DOCK3: variants seen among roughly 807,000 people sequenced by gnomAD.
The protein encoded by DOCK3 is dedicator of cytokinesis 3.
DOCK3 carries 60 observed loss-of-function variants against 265.6 expected under a neutral mutation model. The observed-to-expected ratio is 0.23, with a 90% CI of 0.18 to 0.28. The LOEUF is 0.28. Among genes scored for constraint, DOCK3 ranks in the 10% least tolerant of loss-of-function variants. The pLI is 1.00. For synonymous variants in DOCK3, 881 were observed against 938.0 expected (o/e 0.94, Z 1.11); for missense variants, 1,981 against 2,594.3 (o/e 0.76, Z 5.14).
intron 1 of DOCK3, among the ~76,000 whole-genome samples, chr3:50,707,473 T>C (rs1347549545): frequency 3.9e-5 from 6 of 152,264 alleles, no homozygotes; most frequent in South Asian, 4.1e-4. Context: ...TTGGTATTTC[T>C]TCATAGGAAT....
intron 49 of DOCK3, among the ~76,000 whole-genome samples, chr3:51,368,927 G>A (rs981133527): frequency 2.0e-5 from 3 of 152,236 alleles, no homozygotes; most frequent in Non-Finnish European, 4.4e-5. Context: ...CAGGCAAACA[G>A]GGTCTGGAGT....
At chr3:51,312,961 C>G in intron 31 of DOCK3, 59 bp downstream of exon 31, 6 of 1,461,464 alleles carry the variant, frequency 4.1e-6, no homozygotes, top group Non-Finnish European at 3.8e-6. Flanking sequence ...TAGAAAGTAG[C>G]AAGACTAATA....
chr3:51,225,669 T>C lies in DOCK3; in HGVS notation c.1273T>C (p.Tyr425His). The C allele has an allele frequency of 6.2e-7, 1 of 1,613,452 alleles. No homozygotes were observed. The highest frequency in any genetic ancestry group is 8.5e-7 in the Non-Finnish European group (1 of 1,179,588). Residue 425 changes from tyrosine to histidine, a missense_variant, in exon 15 of 53, where the codon TAC (tyrosine) becomes CAC (histidine). By Grantham distance (83) the Tyr-to-His change is moderately conservative. Coordinates refer to ENST00000266037, the MANE Select transcript of DOCK3 (RefSeq NM_004947.5). Reference protein sequence around the residue: ...IMPGDIRNDLYLTLEKGDFER... With the variant: ...IMPGDIRNDLHLTLEKGDFER... ...CGCAGGTGATATCCGCAATGACCTGTACCTAACCCTGGAGAAGGGGGATTT... is the reference window on the plus strand; with the variant it reads ...CGCAGGTGATATCCGCAATGACCTGCACCTAACCCTGGAGAAGGGGGATTT...
At chr3:51,238,250 C>T (rs1220967684) in intron 21 of DOCK3, among the ~76,000 whole-genome samples, 1 of 147,322 alleles carries the variant, frequency 6.8e-6, no homozygotes, top group East Asian at 2.1e-4. Flanking sequence ...TCACACCATT[C>T]TCCTGCCTCA....
At chr3:51,362,434 G>A in intron 48 of DOCK3, 93 bp from the exon 49 acceptor site, 1 of 1,523,324 alleles carries the variant, frequency 6.6e-7, no homozygotes, top group Non-Finnish European at 9.0e-7. Context: ...CACTGGGGCA[G>A]AACACCTCAG....
chr3:51,371,809 G>A (rs917813634), intron 49 of DOCK3, among the ~76,000 whole-genome samples: 2 of 152,246 alleles, frequency 1.3e-5, no homozygotes, highest in Non-Finnish European at 2.9e-5. Flanking sequence ...CCCCTCACAC[G>A]GATCAGGATA....
intron 40 of DOCK3, among the ~76,000 whole-genome samples, 157 bp downstream of exon 40, chr3:51,350,549 C>T (rs954703009): frequency 6.6e-6 from 1 of 152,228 alleles, no homozygotes; most frequent in African/African-American, 2.4e-5. Context: ...TTTGACTGGA[C>T]TGGCTGCCAA....
intron 5 of DOCK3, among the ~76,000 whole-genome samples, chr3:50,941,729 A>G (rs2076301255): frequency 6.6e-6 from 1 of 152,120 alleles, no homozygotes; most frequent in African/African-American, 2.4e-5. Context: ...AAAGGAGTAA[A>G]TGATTAATAC....
At chr3:50,816,383 G>A (rs1576525158) in intron 2 of DOCK3, among the ~76,000 whole-genome samples, 1 of 139,616 alleles carries the variant, frequency 7.2e-6, no homozygotes, top group South Asian at 2.3e-4. Context: ...GTGCAATGGT[G>A]TGATCTTGGC....
chr3:51,196,370 G>A (rs2088294931), intron 12 of DOCK3, among the ~76,000 whole-genome samples: 1 of 152,134 alleles, frequency 6.6e-6, no homozygotes, highest in African/African-American at 2.4e-5. Context: ...TAACTATAAT[G>A]TGCTGTGGAG....
At chr3:51,304,360 T>TC (rs2082530214) in intron 27 of DOCK3, among the ~76,000 whole-genome samples, 2 of 151,674 alleles carry the variant, frequency 1.3e-5, no homozygotes, top group Non-Finnish European at 2.9e-5. Context: ...GCTGCCCCTC[T>TC]CCTGGGAAGC....
chr3:51,037,720 A>G (rs1005642420), intron 5 of DOCK3, among the ~76,000 whole-genome samples: 4 of 152,178 alleles, frequency 2.6e-5, no homozygotes, highest in African/African-American at 9.6e-5. Flanking sequence ...TTAATCAAAT[A>G]GTTTTTGAGT....
rs538895972 is a variant in DOCK3 at position 50,976,969 on chromosome 3, T to A, written c.315+42892T>A. 1.3e-4 allele frequency among the ~76,000 whole-genome samples: 20 copies of A among 150,180 alleles called. No individual in the cohort carries two copies. The South Asian group carries it at 4.3e-3, about 32-fold the overall frequency. On this transcript the variant is annotated intron_variant, in intron 5 of 52. Coordinates refer to ENST00000266037, the MANE Select transcript of DOCK3 (RefSeq NM_004947.5). ...TATCAGAGACTAGGATTGCAACCCC[T>A]GCCTTTTTTTGTTTTCCATTTGCTT...
intron 9 of DOCK3, 35 bp downstream of exon 9, chr3:51,090,419 G>T: frequency 6.3e-7 from 1 of 1,580,108 alleles, no homozygotes; most frequent in Non-Finnish European, 8.6e-7. Flanking sequence ...GAGGTTCTAT[G>T]TTAGGATGGT....
chr3:50,817,245 C>G (rs2044137574), intron 2 of DOCK3, among the ~76,000 whole-genome samples: 1 of 152,134 alleles, frequency 6.6e-6, no homozygotes, highest in Non-Finnish European at 1.5e-5. Context: ...TTGTGTTAAC[C>G]TCCTATCTCG....
At chr3:51,311,158 A>G (rs2083048738) in intron 28 of DOCK3, among the ~76,000 whole-genome samples, 1 of 152,246 alleles carries the variant, frequency 6.6e-6, no homozygotes. Context: ...CTCCATTCAG[A>G]GCACTTCAGG....
At chr3:51,140,122 T>C (rs1183917764) in intron 9 of DOCK3, among the ~76,000 whole-genome samples, 1 of 152,236 alleles carries the variant, frequency 6.6e-6, no homozygotes, top group Non-Finnish European at 1.5e-5. Context: ...TCACATACTA[T>C]AGAGTTTACC....
intron 1 of DOCK3, among the ~76,000 whole-genome samples, chr3:50,762,234 A>G (rs2040579081): frequency 6.6e-6 from 1 of 151,948 alleles, no homozygotes; most frequent in Non-Finnish European, 1.5e-5. Flanking sequence ...GTGCATAAGT[A>G]CCCTAGAACT....
intron 1 of DOCK3, among the ~76,000 whole-genome samples, chr3:50,723,563 C>T (rs1173116743): frequency 6.6e-6 from 1 of 152,116 alleles, no homozygotes; most frequent in Admixed American, 6.6e-5. Flanking sequence ...ACCATCTGAT[C>T]TTTGACAAAC....
Sources: gnomAD v4.1 joint callset for allele counts (sites outside exome capture counted in the v4.1 genomes callset) on GRCh38, gnomAD v4.1.1 for gene constraint, MANE v1.5 for transcripts, NCBI Gene and HGNC (gene_info 2026-07-23, HGNC 2026-07-21) for gene names.